FAAH2: variants seen among roughly 807,000 people sequenced by gnomAD.
The protein encoded by FAAH2 is fatty acid amide hydrolase 2.
In FAAH2, 60 loss-of-function variants were observed where a neutral mutation model predicts 36.9. The ratio of observed to expected loss-of-function variants is 1.63; its 90% CI spans 1.32 to 2.02. The LOEUF is 2.02. FAAH2 is among the 30% of genes most tolerant of loss of function. The pLI is 0.00. For missense variants in FAAH2, 689 were observed against 397.5 expected (o/e 1.73, Z -6.23); for synonymous variants, 214 against 143.8 (o/e 1.49, Z -3.49).
In FAAH2 at chrX:57,368,214, G is replaced by A. The variant is rs778034459; in HGVS notation, c.743-10437G>A. Among the ~76,000 whole-genome samples, 8 of 110,363 alleles carry A rather than the reference G, an allele frequency of 7.2e-5. No homozygotes were observed. In the Admixed American group the frequency reaches 7.7e-4, roughly 11 times the overall value. ...GCAAATCTAGCAGCCAAATACACAA[G>A]GCACACTGAACCCACCCCCACCCCC... On this transcript the variant is annotated intron_variant, in intron 5 of 10. Transcript: ENST00000374900.
chrX:57,322,658 T>A (rs1460762128), intron 3 of FAAH2, among the ~76,000 whole-genome samples: 3 of 111,203 alleles, frequency 2.7e-5, no homozygotes, highest in African/African-American at 9.8e-5. Flanking sequence ...TTCGGTCTCT[T>A]TATGTTATTC....
chrX:57,421,469 G>A (rs1309156861), intron 7 of FAAH2, among the ~76,000 whole-genome samples: 2 of 111,491 alleles, frequency 1.8e-5, no homozygotes, highest in Middle Eastern at 4.2e-3. Flanking sequence ...TTAGAGGGTA[G>A]GAATCTGATA....
At chrX:57,400,646 G>T (rs2055409737) in intron 7 of FAAH2, among the ~76,000 whole-genome samples, 1 of 112,645 alleles carries the variant, frequency 8.9e-6, no homozygotes, top group South Asian at 3.7e-4. Context: ...GTTATGCCAA[G>T]GAACCCTCTT....
the FAAH2 span, among the ~76,000 whole-genome samples, chrX:57,181,471 G>A: frequency 1.7e-4 from 19 of 109,890 alleles, no homozygotes; most frequent in African/African-American, 6.2e-4. Flanking sequence ...AAATCAGGAA[G>A]CCCATTCACA....
intron 2 of FAAH2, among the ~76,000 whole-genome samples, chrX:57,305,895 G>T (rs937447818): frequency 2.7e-5 from 3 of 111,543 alleles, no homozygotes; most frequent in Admixed American, 1.9e-4. Flanking sequence ...CAGACTGGTT[G>T]CAGACTGGGA....
At chrX:57,404,087 C>T (rs1336070077) in intron 7 of FAAH2, among the ~76,000 whole-genome samples, 1 of 112,104 alleles carries the variant, frequency 8.9e-6, no homozygotes, top group African/African-American at 3.2e-5. Context: ...TTTGGGCCAT[C>T]CACAGGTTCC....
the FAAH2 span, among the ~76,000 whole-genome samples, chrX:57,171,731 T>C: frequency 4.5e-5 from 5 of 112,016 alleles, no homozygotes. Context: ...CTGTGCTGAT[T>C]ATTTCTTTTG....
At chrX:57,465,861 A>T (rs1009626262) in intron 10 of FAAH2, among the ~76,000 whole-genome samples, 1 of 110,444 alleles carries the variant, frequency 9.1e-6, no homozygotes, top group African/African-American at 3.3e-5. Context: ...TATGTTTTGA[A>T]TTATATATAA....
At chrX:57,163,060 TGTTA>T in the FAAH2 span, among the ~76,000 whole-genome samples, 2 of 112,071 alleles carry the variant, frequency 1.8e-5, no homozygotes, top group African/African-American at 3.2e-5. Context: ...CCTTTCTGTT[TGTTA>T]GTTTTCCTTC....
chrX:57,121,609 C>G, the FAAH2 span: 1 of 112,687 alleles, frequency 8.9e-6, no homozygotes, highest in African/African-American at 3.2e-5. Flanking sequence ...GTCAAACACC[C>G]GGCTCTCCTC....
At chrX:57,131,310 C>T in the FAAH2 span, among the ~76,000 whole-genome samples, 2 of 108,772 alleles carry the variant, frequency 1.8e-5, no homozygotes, top group Non-Finnish European at 3.8e-5. Context: ...TGGTCTCGAT[C>T]TCCTGACCTC....
the FAAH2 span, among the ~76,000 whole-genome samples, chrX:57,216,494 ACG>A: frequency 1.5e-5 from 1 of 67,227 alleles, no homozygotes; most frequent in African/African-American, 8.0e-5. Flanking sequence ...TTATATATAT[ACG>A]TATATGTATA....
At chrX:57,317,109 G>A (rs1461629530) in intron 3 of FAAH2, among the ~76,000 whole-genome samples, 1 of 111,732 alleles carries the variant, frequency 8.9e-6, no homozygotes, top group Non-Finnish European at 1.9e-5. Flanking sequence ...AAAGAAGACA[G>A]ACAAGTGGCC....
rs183454270 is a variant in FAAH2, at chrX:57,383,209, C to T, written c.996+2180C>T. 3.9e-3 allele frequency among the ~76,000 whole-genome samples: 434 copies of T among 112,002 alleles called. 2 individuals carry two copies. The highest frequency in any genetic ancestry group is 0.013 in the African/African-American group (415 of 30,817). The stretch of plus-strand genomic sequence containing the variant: ...ATAAGAGCTATCTATGACAAACCCA[C>T]AGCCAATATCATACTGAATGGCAAA... On this transcript the variant is annotated intron_variant, in intron 7 of 10. Transcript: ENST00000374900.
chrX:57,182,556 G>A, the FAAH2 span, among the ~76,000 whole-genome samples: 1 of 111,099 alleles, frequency 9.0e-6, no homozygotes, highest in Non-Finnish European at 1.9e-5. Flanking sequence ...AAAGATGCTG[G>A]CGAGTTTGTG....
chrX:57,348,852 C>A (rs1240807050), intron 5 of FAAH2, among the ~76,000 whole-genome samples: 2 of 107,799 alleles, frequency 1.9e-5, no homozygotes, highest in East Asian at 5.8e-4. Flanking sequence ...GAGATGTCAA[C>A]ATAAAGACAC....
At chrX:57,221,498 C>G in the FAAH2 span, among the ~76,000 whole-genome samples, 1 of 110,797 alleles carries the variant, frequency 9.0e-6, no homozygotes, top group Non-Finnish European at 1.9e-5. Context: ...AGCCTAAAGC[C>G]TATCATTTCT....
the FAAH2 span, among the ~76,000 whole-genome samples, chrX:57,219,226 G>A: frequency 1.8e-5 from 2 of 111,644 alleles, no homozygotes; most frequent in Admixed American, 9.4e-5. Context: ...GCCTCAGCCC[G>A]CCTGCACCCA....
intron 7 of FAAH2, among the ~76,000 whole-genome samples, chrX:57,426,179 A>G (rs781153404): frequency 1.8e-5 from 2 of 112,256 alleles, no homozygotes; most frequent in South Asian, 7.3e-4. Flanking sequence ...GAACAGTAAA[A>G]AAAGGTCAGT....
Sources: allele counts gnomAD v4.1 joint callset (sites outside exome capture counted in the v4.1 genomes callset), GRCh38; gene constraint gnomAD v4.1.1; transcripts MANE v1.5; gene names NCBI Gene and HGNC (gene_info 2026-07-23, HGNC 2026-07-21).